FHIP2A: variants seen among roughly 807,000 people sequenced by gnomAD.
FHIP2A encodes the protein family with sequence similarity 160 member B1.
Under a neutral mutation model 93.5 loss-of-function variants are expected in FHIP2A, and 46 were observed. That is an observed-to-expected ratio of 0.49 (90% CI 0.39 to 0.63). The LOEUF is 0.63. Among genes scored for constraint, FHIP2A ranks in the 20% least tolerant of loss-of-function variants. The pLI is 0.00. For synonymous variants in FHIP2A, 332 were observed against 326.5 expected, an observed-to-expected ratio of 1.02 and a Z score of -0.18; for missense variants, 769 against 909.7, an observed-to-expected ratio of 0.85 and a Z score of 1.99.
intron 5 of FHIP2A, among the ~76,000 whole-genome samples, chr10:114,841,827 A>C (rs2083670605): frequency 6.6e-6 from 1 of 152,172 alleles, no homozygotes; most frequent in Non-Finnish European, 1.5e-5. Context: ...GGGAGAAGTT[A>C]GTTTATGGTG....
chr10:114,857,459 A>C (rs990107758), intron 14 of FHIP2A, among the ~76,000 whole-genome samples: 9 of 151,574 alleles, frequency 5.9e-5, no homozygotes, highest in Non-Finnish European at 1.2e-4. Context: ...ACAGGTGCAC[A>C]CCACCACGCC....
chr10:114,826,702 C>T (rs1274145009), intron 1 of FHIP2A, among the ~76,000 whole-genome samples: 1 of 152,122 alleles, frequency 6.6e-6, no homozygotes, highest in Non-Finnish European at 1.5e-5. Context: ...TTTAAAAAAT[C>T]TGGGAGTGGC....
intron 16 of FHIP2A, among the ~76,000 whole-genome samples, chr10:114,886,101 C>A (rs1437130184): frequency 6.6e-6 from 1 of 152,076 alleles, no homozygotes; most frequent in African/African-American, 2.4e-5. Flanking sequence ...ACTACAGTAA[C>A]AGGAGGAGGA....
chr10:114,865,807 C>A (rs1479196386), downstream of FHIP2A, among the ~76,000 whole-genome samples: 62 of 141,492 alleles, frequency 4.4e-4, no homozygotes, highest in Admixed American at 7.0e-4. Context: ...TACCTCTTTT[C>A]AAAAAAAAAA....
At chr10:114,878,958 G>A (rs2083903595) in intron 16 of FHIP2A, among the ~76,000 whole-genome samples, 2 of 152,084 alleles carry the variant, frequency 1.3e-5, no homozygotes, top group Admixed American at 1.3e-4. Context: ...TCCAAATGAG[G>A]AAACATAACA....
chr10:114,863,694 T>C lies in FHIP2A; in HGVS notation c.*2154T>C. 7.7e-7 allele frequency: 1 copy of C among 1,302,738 alleles called. No homozygotes were observed. Among genetic ancestry groups the C allele is most frequent in the South Asian group, 1.2e-5 (1 of 80,608 alleles). 80.7% of individuals were successfully genotyped at this position (1,302,738 alleles called of 1,614,324 possible). ...AAGCTCTCACAGTGAGTTCAATTTG[T>C]TAGTGAAACATTGTACTGCATCACC... On this transcript the variant is annotated 3_prime_UTR_variant, in exon 17 of 17. Transcript: ENST00000369248.
chr10:114,881,446 G>A (rs1461218080), intron 16 of FHIP2A, among the ~76,000 whole-genome samples: 1 of 152,148 alleles, frequency 6.6e-6, no homozygotes, highest in Non-Finnish European at 1.5e-5. Flanking sequence ...TTCATTAGCT[G>A]CTTTCTGCAT....
rs1458379057 is a variant in FHIP2A at position 114,822,306 on chromosome 10, G to C, written c.45+183G>C. 2.6e-5 allele frequency among the ~76,000 whole-genome samples: 4 copies of C among 151,466 alleles called. 1 individual carries two copies. The East Asian group carries it at 7.9e-4, about 30-fold the overall frequency. Reference sequence around the variant, plus strand: ...GGGTCGTGGGGGCGCCCGGGGCCTCGGGCCTGGCTCTGCGGGGGTCCCGTC... The same window carrying C: ...GGGTCGTGGGGGCGCCCGGGGCCTCCGGCCTGGCTCTGCGGGGGTCCCGTC... On this transcript the variant is annotated intron_variant, in intron 1 of 16. Transcript: ENST00000369248.
intron 1 of FHIP2A, among the ~76,000 whole-genome samples, 198 bp downstream of exon 1, chr10:114,822,321 G>T (rs11196929): frequency 6.6e-6 from 1 of 151,170 alleles, no homozygotes; most frequent in Non-Finnish European, 1.5e-5. Context: ...TGGCTCTGCG[G>T]GGGTCCCGTC....
intron 6 of FHIP2A, 82 bp downstream of exon 6, chr10:114,843,308 A>ATT: frequency 1.0e-6 from 1 of 988,588 alleles, no homozygotes; most frequent in Non-Finnish European, 1.3e-6. Context: ...TTAATTTTTA[A>ATT]TTTATTTTTT....
chr10:114,827,991 G>A (rs2083587107), intron 1 of FHIP2A, among the ~76,000 whole-genome samples: 1 of 133,530 alleles, frequency 7.5e-6, no homozygotes, highest in African/African-American at 2.7e-5. Flanking sequence ...GGAATCTCTT[G>A]ATACTGATTC....
At chr10:114,881,415 AC>A (rs1298184622) in intron 16 of FHIP2A, among the ~76,000 whole-genome samples, 1 of 152,156 alleles carries the variant, frequency 6.6e-6, no homozygotes, top group East Asian at 1.9e-4. Context: ...CCTCACCGGC[AC>A]CCTATGAGGC....
chr10:114,875,854 AAAG>A (rs71473071), intron 16 of FHIP2A, among the ~76,000 whole-genome samples: 2 of 143,242 alleles, frequency 1.4e-5, no homozygotes, highest in African/African-American at 5.5e-5. Flanking sequence ...AAAGAAAGAA[AAAG>A]AAAGAAAGAA....
chr10:114,897,367 C>T (rs1218547946), intron 16 of FHIP2A, among the ~76,000 whole-genome samples: 1 of 152,152 alleles, frequency 6.6e-6, no homozygotes, highest in South Asian at 2.1e-4. Context: ...GGTGTACTTT[C>T]GTGGCAAAAC....
Position 114,846,567 on chromosome 10 carries a change from A to G in FHIP2A, c.1407A>G (p.Ile469Met). 1 of 1,597,036 alleles carries G rather than the reference A, an allele frequency of 6.3e-7. No individual in the cohort carries two copies. The highest frequency in any genetic ancestry group is 8.5e-7 in the Non-Finnish European group (1 of 1,174,582). ...HCDHISDEIS[I>M]MTLRMFEHLL... ...ATCAATTTTGGTTTCAGATAAGCATAATGACATTACGAATGTTTGAACATC... is the reference window on the plus strand; with the variant it reads ...ATCAATTTTGGTTTCAGATAAGCATGATGACATTACGAATGTTTGAACATC... The change falls in exon 11 of 17, where the codon ATA becomes ATG. Residue 469 changes from isoleucine (I) to methionine (M), a missense_variant. Transcript: ENST00000369248.
chr10:114,867,181 T>C (rs7093686), downstream of FHIP2A, among the ~76,000 whole-genome samples: 62,028 of 149,860 alleles, frequency 0.41, 13,350 homozygotes, highest in Non-Finnish European at 0.48. Context: ...TGCACTCCAG[T>C]CTGGGCAACA....
At chr10:114,833,180 A>G (rs1304037999) in intron 2 of FHIP2A, 53 bp from the exon 3 acceptor site, 2 of 1,414,832 alleles carry the variant, frequency 1.4e-6, no homozygotes, top group Admixed American at 2.0e-5. Flanking sequence ...TTTAGGTGCA[A>G]ATATGCAGTT....
rs772152332 is a variant in FHIP2A, at chr10:114,862,055, T to C, written c.*515T>C. 60 of 964,852 alleles carry C rather than the reference T, an allele frequency of 6.2e-5. No homozygotes were observed. The highest frequency in any genetic ancestry group is 4.8e-5 in the South Asian group (1 of 20,796). The allele number at this position is 964,852 out of a possible 1,614,324, so 59.8% of individuals were successfully genotyped here. ...AGAAAAAAATACAATTCAGAAACCA[T>C]TGAATGAATTAATTATAGGCGATAA... is the stretch of plus-strand genomic sequence containing the variant. On this transcript the variant is annotated 3_prime_UTR_variant, in exon 17 of 17. Coordinates refer to ENST00000369248, the MANE Select transcript of FHIP2A (RefSeq NM_020940.4).
chr10:114,839,391 T>A (rs915208441), intron 5 of FHIP2A, among the ~76,000 whole-genome samples: 8 of 152,130 alleles, frequency 5.3e-5, no homozygotes, highest in Admixed American at 1.3e-4. Flanking sequence ...CCTCCCAAAG[T>A]GCCAGGATTA....
Sources: allele counts gnomAD v4.1 joint callset (sites outside exome capture counted in the v4.1 genomes callset), GRCh38; gene constraint gnomAD v4.1.1; transcripts MANE v1.5; gene names NCBI Gene and HGNC (gene_info 2026-07-23, HGNC 2026-07-21).